GALM: variants seen among roughly 807,000 people sequenced by gnomAD.
The protein encoded by GALM is galactose mutarotase.
Under a neutral mutation model 37.4 loss-of-function variants are expected in GALM, and 43 were observed. The ratio of observed to expected loss-of-function variants is 1.15; its 90% CI spans 0.90 to 1.48. The LOEUF is 1.48. Ranked by LOEUF, GALM falls within the 40% of genes most tolerant of loss-of-function variation. GALM has a pLI of 0.00. For synonymous variants in GALM, 199 were observed against 170.6 expected (o/e 1.17, Z -1.30); for missense variants, 456 against 419.1 (o/e 1.09, Z -0.77).
At chr2:38,703,067 TATATATATATATATATATATATA>T (rs1665953807) in intron 4 of GALM, among the ~76,000 whole-genome samples, 1 of 5,206 alleles carries the variant, frequency 1.9e-4, no homozygotes, top group Non-Finnish European at 6.4e-4. Context: ...TATATATATA[TATATATATATATATATATATATA>T]TATTTTTTTT....
At chr2:38,723,357 C>T (rs1178658181) in intron 4 of GALM, among the ~76,000 whole-genome samples, 2 of 152,180 alleles carry the variant, frequency 1.3e-5, no homozygotes, top group African/African-American at 2.4e-5. Flanking sequence ...CCCTAGTAAT[C>T]GCTAAAATGA....
intron 4 of GALM, among the ~76,000 whole-genome samples, chr2:38,705,910 C>T (rs1242304408): frequency 6.6e-6 from 1 of 152,022 alleles, no homozygotes; most frequent in South Asian, 2.1e-4. Flanking sequence ...CAACCTCCCC[C>T]TCCGGGTTCA....
chr2:38,694,173 C>T (rs1229432288), intron 4 of GALM, among the ~76,000 whole-genome samples: 1 of 151,424 alleles, frequency 6.6e-6, no homozygotes, highest in Non-Finnish European at 1.5e-5. Flanking sequence ...AGAGCAAGAC[C>T]CTGTCTCAAA....
intron 3 of GALM, among the ~76,000 whole-genome samples, chr2:38,684,270 C>A (rs1299756441): frequency 1.3e-5 from 2 of 152,092 alleles, no homozygotes; most frequent in African/African-American, 4.8e-5. Flanking sequence ...CTGGCTTTGT[C>A]AAAGAATATA....
intron 4 of GALM, among the ~76,000 whole-genome samples, chr2:38,714,214 G>T (rs186040037): frequency 1.3e-5 from 2 of 151,308 alleles, no homozygotes; most frequent in African/African-American, 4.9e-5. Flanking sequence ...TTTTTTTTGC[G>T]GGGGGGTTGT....
chr2:38,733,144 C>T (rs925933923), intron 6 of GALM, among the ~76,000 whole-genome samples: 1 of 151,212 alleles, frequency 6.6e-6, no homozygotes, highest in Non-Finnish European at 1.5e-5. Flanking sequence ...TCGCTTGAAC[C>T]CAGGAAGCGG....
At chr2:38,677,552 G>A (rs1665286506) in intron 2 of GALM, among the ~76,000 whole-genome samples, 2 of 152,186 alleles carry the variant, frequency 1.3e-5, no homozygotes, top group African/African-American at 4.8e-5. Flanking sequence ...ACCAGAGAAA[G>A]TAAGGCCCAG....
At chr2:38,698,437 G>A (rs768751196) in intron 4 of GALM, 36 of 1,299,458 alleles carry the variant, frequency 2.8e-5, no homozygotes, top group African/African-American at 4.6e-5. Flanking sequence ...AAGTTTGCAG[G>A]TACACTGTCA....
At chr2:38,695,735 C>T (rs776735587) in intron 4 of GALM, among the ~76,000 whole-genome samples, 2 of 152,178 alleles carry the variant, frequency 1.3e-5, no homozygotes, top group African/African-American at 2.4e-5. Flanking sequence ...ACTCTGTTGC[C>T]CAGGCTGGAG....
chr2:38,689,963 T>C, intron 4 of GALM, 69 bp downstream of exon 4: 1 of 823,482 alleles, frequency 1.2e-6, no homozygotes, highest in Non-Finnish European at 2.0e-6. Flanking sequence ...GAAAGGACAT[T>C]AGTGGAGAAA....
intron 2 of GALM, among the ~76,000 whole-genome samples, chr2:38,680,321 C>A (rs568498200): frequency 1.3e-5 from 2 of 151,976 alleles, no homozygotes; most frequent in Non-Finnish European, 2.9e-5. Context: ...TGCACCTGAC[C>A]ACAAAAAAAA....
At chr2:38,672,310 T>A (rs1665129042) in intron 1 of GALM, among the ~76,000 whole-genome samples, 1 of 152,204 alleles carries the variant, frequency 6.6e-6, no homozygotes, top group African/African-American at 2.4e-5. Context: ...AGAAAAAAAA[T>A]TCTGCTTTTC....
chr2:38,724,946 T>C (rs1036818324), intron 4 of GALM, among the ~76,000 whole-genome samples: 2 of 152,212 alleles, frequency 1.3e-5, no homozygotes, highest in Non-Finnish European at 2.9e-5. Flanking sequence ...GTATGCCCTC[T>C]GTCTTTCCTT....
intron 4 of GALM, among the ~76,000 whole-genome samples, chr2:38,701,130 T>C (rs1344873488): frequency 1.3e-5 from 2 of 152,248 alleles, no homozygotes; most frequent in Non-Finnish European, 2.9e-5. Context: ...TTACACCAGC[T>C]AGATGTGAGC....
At chr2:38,712,078 A>C (rs1666184734) in intron 4 of GALM, among the ~76,000 whole-genome samples, 1 of 152,182 alleles carries the variant, frequency 6.6e-6, no homozygotes, top group South Asian at 2.1e-4. Context: ...ATTGTTGACT[A>C]AAGTCCAAGA....
chr2:38,678,894 A>G (rs941599659), intron 2 of GALM, among the ~76,000 whole-genome samples: 1 of 152,224 alleles, frequency 6.6e-6, no homozygotes, highest in Non-Finnish European at 1.5e-5. Context: ...AGATTCAGAC[A>G]AAAACTTCAC....
chr2:38,731,945 T>G (rs1666617946), intron 6 of GALM, 36 bp downstream of exon 6: 1 of 1,563,430 alleles, frequency 6.4e-7, no homozygotes, highest in African/African-American at 1.4e-5. Flanking sequence ...AGTAGAGTTG[T>G]GTCCAAGGTC....
intron 4 of GALM, among the ~76,000 whole-genome samples, chr2:38,702,680 C>T (rs1558588454): frequency 1.3e-5 from 2 of 151,958 alleles, no homozygotes; most frequent in Non-Finnish European, 2.9e-5. Flanking sequence ...CTCAGATAAT[C>T]CATCAGGATT....
rs1307121079 is a variant in GALM at position 38,681,463 on chromosome 2, T to C, written c.529T>C (p.Ser177Pro). ...QATPVNLTNH[S>P]YFNLAGQASP... Reference sequence around the variant, plus strand: ...CACACCAGTCAACCTGACCAACCATTCTTACTTCAACCTGGCAGGCCAGGT... The same window carrying C: ...CACACCAGTCAACCTGACCAACCATCCTTACTTCAACCTGGCAGGCCAGGT... The change falls in exon 3 of 7, where the codon TCT becomes CCT. Residue 177 changes from serine to proline, a missense_variant. Ser to Pro is a moderately conservative substitution (Grantham distance 74). Coordinates refer to ENST00000272252, the MANE Select transcript of GALM (RefSeq NM_138801.3). 9.3e-6 allele frequency: 15 copies of C among 1,614,014 alleles called. No individual in the cohort carries two copies. In the East Asian group the frequency reaches 3.3e-4, roughly 36 times the overall value.
Sources: gnomAD v4.1 joint callset for allele counts (sites outside exome capture counted in the v4.1 genomes callset) on GRCh38, gnomAD v4.1.1 for gene constraint, MANE v1.5 for transcripts, NCBI Gene and HGNC (gene_info 2026-07-23, HGNC 2026-07-21) for gene names.